CRIM1: variants seen among roughly 807,000 people sequenced by gnomAD.
CRIM1 encodes the protein cysteine-rich motor neuron 1 protein.
Under a neutral mutation model 116.4 loss-of-function variants are expected in CRIM1, and 32 were observed. That is an observed-to-expected ratio of 0.27 (90% confidence interval 0.21 to 0.37). The LOEUF (loss-of-function observed/expected upper bound fraction) is 0.37, where lower values mean the gene tolerates loss of function less well. CRIM1 is among the 10% of genes least tolerant of loss of function. The pLI, the probability that CRIM1 is intolerant of heterozygous loss-of-function variation, is 1.00. For missense variants in CRIM1, 1,331 were observed against 1,354.8 expected, an observed-to-expected ratio of 0.98 and a Z score of 0.28; for synonymous variants, 590 against 509.2, an observed-to-expected ratio of 1.16 and a Z score of -2.13.
At chr2:36,413,053 A>G (rs1159989562) in intron 2 of CRIM1, among the ~76,000 whole-genome samples, 1 of 152,222 alleles carries the variant, frequency 6.6e-6, no homozygotes, top group Non-Finnish European at 1.5e-5. Flanking sequence ...CTTACGAATG[A>G]CTTTATTCAC....
intron 1 of CRIM1, among the ~76,000 whole-genome samples, chr2:36,365,819 T>C (rs1349383629): frequency 6.6e-6 from 1 of 151,058 alleles, no homozygotes; most frequent in Admixed American, 6.6e-5. Context: ...CTGCAACCTC[T>C]GACTCCCTGG....
rs1355226024 is a variant in CRIM1, at chr2:36,550,935, C to A, written c.*2234C>A. 6.6e-6 allele frequency: 1 copy of A among 152,456 alleles called. No homozygotes were observed. Among genetic ancestry groups the A allele is most frequent in the Non-Finnish European group, 1.5e-5 (1 of 68,006 alleles). The allele number at this position is 152,456 out of a possible 1,614,324, so 9.4% of individuals were successfully genotyped here. On this transcript the variant is annotated 3_prime_UTR_variant, in exon 17 of 17. Coordinates refer to ENST00000280527, the MANE Select transcript of CRIM1 (RefSeq NM_016441.3). ...TTAAAGATATGATTTATCCTGAGTGCTGTATCTATTACTCTTTTACTTTGG... is the reference window on the plus strand; with the variant it reads ...TTAAAGATATGATTTATCCTGAGTGATGTATCTATTACTCTTTTACTTTGG...
At chr2:36,517,575 G>T in intron 12 of CRIM1, 33 bp downstream of exon 12, 1 of 1,589,888 alleles carries the variant, frequency 6.3e-7, no homozygotes. Flanking sequence ...GGTGCTTGGT[G>T]GGGAAGGATG....
intron 14 of CRIM1, among the ~76,000 whole-genome samples, chr2:36,541,924 C>G (rs1666971354): frequency 6.6e-6 from 1 of 152,202 alleles, no homozygotes; most frequent in East Asian, 1.9e-4. Context: ...AGCATTCCCA[C>G]TTCTTTTTGT....
chr2:36,541,631 C>T (rs1347697312), intron 14 of CRIM1, among the ~76,000 whole-genome samples: 1 of 152,180 alleles, frequency 6.6e-6, no homozygotes, highest in African/African-American at 2.4e-5. Context: ...TAGAGATGAC[C>T]AGATGCCTCT....
Position 36,461,088 on chromosome 2 carries a change from G to A in CRIM1, c.870-3446G>A, listed in dbSNP as rs115639534. Among the ~76,000 whole-genome samples the A allele has an allele frequency of 8.4e-3, 1,287 of 152,354 alleles. 17 individuals are homozygous for A. Among genetic ancestry groups the A allele is most frequent in the African/African-American group, 0.03 (1,240 of 41,588 alleles). On this transcript the variant is annotated intron_variant, in intron 4 of 16. Coordinates refer to ENST00000280527, the MANE Select transcript of CRIM1 (RefSeq NM_016441.3). Reference sequence around the variant, plus strand: ...GAGTGTTGAATGCTAGGCTGAGAAAGTGATACATAAAATGAGGAGTAATGG... The same window carrying A: ...GAGTGTTGAATGCTAGGCTGAGAAAATGATACATAAAATGAGGAGTAATGG...
Position 36,513,716 on chromosome 2 carries a change from C to A in CRIM1, c.1941C>A (p.Ala647=), listed in dbSNP as rs1488699956. 5.0e-6 allele frequency: 8 copies of A among 1,614,210 alleles called. No homozygotes were observed. The highest frequency in any genetic ancestry group is 6.8e-6 in the Non-Finnish European group (8 of 1,180,036). ...MCALITCPVP[A]CGNPTIHPGQ... ...CCCTGATCACCTGCCCGGTGCCTGC[C>A]TGTGGCAACCCCACCATTCACCCTG... Residue 647 remains alanine, a synonymous_variant, in exon 11 of 17, where the codon GCC becomes GCA. Transcript: ENST00000280527.
intron 4 of CRIM1, among the ~76,000 whole-genome samples, 179 bp from the exon 5 acceptor site, chr2:36,464,355 G>C (rs1319477506): frequency 6.6e-6 from 1 of 152,176 alleles, no homozygotes; most frequent in Non-Finnish European, 1.5e-5. Flanking sequence ...TTAGTTATTT[G>C]AAAGCAAATT....
At chr2:36,487,176 A>T (rs1391064918) in intron 7 of CRIM1, among the ~76,000 whole-genome samples, 1 of 152,102 alleles carries the variant, frequency 6.6e-6, no homozygotes, top group African/African-American at 2.4e-5. Flanking sequence ...CCTCATCTTC[A>T]TCTCCTACTG....
chr2:36,412,368 A>G (rs1201373841), intron 2 of CRIM1, among the ~76,000 whole-genome samples: 1 of 152,176 alleles, frequency 6.6e-6, no homozygotes, highest in East Asian at 1.9e-4. Flanking sequence ...CGTTTAACCC[A>G]TTCTTGCCCA....
intron 15 of CRIM1, among the ~76,000 whole-genome samples, chr2:36,546,670 T>G (rs567069897): frequency 1.3e-5 from 2 of 152,056 alleles, no homozygotes; most frequent in African/African-American, 4.8e-5. Flanking sequence ...CATGGTCTAA[T>G]TCACTTTTTC....
intron 1 of CRIM1, among the ~76,000 whole-genome samples, chr2:36,392,765 A>G (rs1484892851): frequency 6.6e-6 from 1 of 152,120 alleles, no homozygotes; most frequent in Non-Finnish European, 1.5e-5. Flanking sequence ...TGCTAGGGAA[A>G]CCATTTCCCA....
chr2:36,506,565 C>T (rs4392241), intron 8 of CRIM1, among the ~76,000 whole-genome samples: 1,994 of 152,160 alleles, frequency 0.013, 43 homozygotes, highest in African/African-American at 0.044. Context: ...GCAAACATTC[C>T]TATTTTTCCA....
intron 2 of CRIM1, among the ~76,000 whole-genome samples, chr2:36,435,144 G>C (rs939793420): frequency 1.1e-4 from 17 of 152,152 alleles, no homozygotes; most frequent in Admixed American, 6.5e-5. Flanking sequence ...CTACTCTAGG[G>C]CTTTAGATTA....
intron 8 of CRIM1, among the ~76,000 whole-genome samples, chr2:36,505,790 A>G (rs1251835570): frequency 6.6e-6 from 1 of 151,840 alleles, no homozygotes; most frequent in Non-Finnish European, 1.5e-5. Flanking sequence ...TCAGTGAGTG[A>G]TAGTGGTTGT....
intron 12 of CRIM1, among the ~76,000 whole-genome samples, 186 bp downstream of exon 12, chr2:36,517,728 G>T (rs1271826325): frequency 6.6e-6 from 1 of 152,182 alleles, no homozygotes; most frequent in African/African-American, 2.4e-5. Context: ...TATTTATGCA[G>T]TCAGCATGCC....
At chr2:36,391,550 A>C (rs1671605345) in intron 1 of CRIM1, among the ~76,000 whole-genome samples, 1 of 152,134 alleles carries the variant, frequency 6.6e-6, no homozygotes. Flanking sequence ...AATCACATTA[A>C]AGAAACATTC....
chr2:36,519,461 C>T (rs981663858), intron 12 of CRIM1, among the ~76,000 whole-genome samples: 4 of 152,100 alleles, frequency 2.6e-5, no homozygotes, highest in Middle Eastern at 3.4e-3. Flanking sequence ...TTTCATTCAT[C>T]GTTGTATTGA....
rs1201865250 is a variant in CRIM1 at position 36,355,872 on chromosome 2, CGGAGGCTGCGCCGCTGCGGGGCCGGCCG to C, written c.-420_-393del. ...GCAGCTCGGGAGGCGGGGACCGGCC[CGGAGGCTGCGCCGCTGCGGGGCCGGCCG>C]ACTCGGAGGAGGAGAGGGAGGAGGC... is the stretch of plus-strand genomic sequence containing the variant. On this transcript the variant is annotated 5_prime_UTR_variant, in exon 1 of 17. Coordinates refer to ENST00000280527, the MANE Select transcript of CRIM1 (RefSeq NM_016441.3). The C allele has an allele frequency of 1.3e-5, 2 of 150,472 alleles. No individual in the cohort carries two copies. The highest frequency in any genetic ancestry group is 1.3e-4 in the Admixed American group (2 of 15,142). The allele number at this position is 150,472 out of a possible 1,614,324, so 9.3% of individuals were successfully genotyped here. A position where few individuals can be genotyped will look rare whatever the true frequency, so the allele number is the denominator to read the frequency against.
Sources: gnomAD v4.1 joint callset for allele counts (sites outside exome capture counted in the v4.1 genomes callset) on GRCh38, gnomAD v4.1.1 for gene constraint, MANE v1.5 for transcripts, NCBI Gene and HGNC (gene_info 2026-07-23, HGNC 2026-07-21) for gene names.